Variants in ANKS1B observed in about 807,000 individuals in gnomAD.
ANKS1B encodes ankyrin repeat and sterile alpha motif domain-containing protein 1B.
ANKS1B carries 36 observed loss-of-function variants against 148.3 expected under a neutral mutation model. The observed-to-expected ratio is 0.24, with a 90% confidence interval of 0.19 to 0.32. The LOEUF (loss-of-function observed/expected upper bound fraction) is 0.32. Among genes scored for constraint, ANKS1B ranks in the 10% least tolerant of loss-of-function variants. The pLI, the probability that ANKS1B is intolerant of heterozygous loss-of-function variation, is 1.00. For synonymous variants in ANKS1B, 542 were observed against 560.8 expected (o/e 0.97, Z 0.47); for missense variants, 1,157 against 1,542.6 (o/e 0.75, Z 4.19).
chr12:99,025,093 G>A (rs2099947999), intron 17 of ANKS1B, among the ~76,000 whole-genome samples: 1 of 152,142 alleles, frequency 6.6e-6, no homozygotes, highest in Non-Finnish European at 1.5e-5. Context: ...ACCTGTGAAA[G>A]TAATAATAAA....
chr12:98,806,371 A>T (rs1369042410), intron 20 of ANKS1B, among the ~76,000 whole-genome samples: 1 of 152,130 alleles, frequency 6.6e-6, no homozygotes, highest in Non-Finnish European at 1.5e-5. Context: ...TTCTATGAGG[A>T]CTGCTCCCAC....
chr12:99,483,686 T>C lies in ANKS1B; in HGVS notation c.1438+20790A>G, dbSNP rs552925958. 5.9e-5 allele frequency among the ~76,000 whole-genome samples: 9 copies of C among 152,020 alleles called. No individual in the cohort carries two copies. In the South Asian group the frequency reaches 1.9e-3, roughly 31 times the overall value. Reference sequence around the variant, plus strand: ...ATGGATTCAATCCACTGCTTGTTTTTGGTGTCTTTATGGTTTCTATTTCTT... The same window carrying C: ...ATGGATTCAATCCACTGCTTGTTTTCGGTGTCTTTATGGTTTCTATTTCTT... On this transcript the variant is annotated intron_variant, in intron 10 of 26. Transcript: ENST00000683438.
At chr12:99,647,529 T>C (rs985276975) in intron 9 of ANKS1B, among the ~76,000 whole-genome samples, 4 of 152,090 alleles carry the variant, frequency 2.6e-5, no homozygotes, top group Non-Finnish European at 5.9e-5. Flanking sequence ...CTAACCCTTT[T>C]GAAAGCAATT....
intron 17 of ANKS1B, among the ~76,000 whole-genome samples, chr12:98,899,888 G>A (rs2099769782): frequency 6.6e-6 from 1 of 152,130 alleles, no homozygotes; most frequent in African/African-American, 2.4e-5. Context: ...AAATGTCTGA[G>A]AGCTCTGAAA....
intron 10 of ANKS1B, among the ~76,000 whole-genome samples, chr12:99,473,533 G>A (rs959589546): frequency 1.3e-5 from 2 of 151,972 alleles, no homozygotes; most frequent in Non-Finnish European, 2.9e-5. Flanking sequence ...GTCATCCAAT[G>A]TGGAGTACCA....
At chr12:99,277,998 C>T (rs992867828) in intron 12 of ANKS1B, among the ~76,000 whole-genome samples, 2 of 152,188 alleles carry the variant, frequency 1.3e-5, no homozygotes, top group Non-Finnish European at 2.9e-5. Flanking sequence ...AATCCACAGA[C>T]CTAATTCTAC....
At chr12:99,406,274 C>T (rs530451174) in intron 11 of ANKS1B, among the ~76,000 whole-genome samples, 6 of 144,820 alleles carry the variant, frequency 4.1e-5, no homozygotes, top group South Asian at 2.1e-4. Flanking sequence ...TGTTAGGTCA[C>T]GAAACAAGTC....
intron 17 of ANKS1B, among the ~76,000 whole-genome samples, chr12:98,934,493 T>C (rs890932236): frequency 8.5e-5 from 13 of 152,158 alleles, no homozygotes; most frequent in African/African-American, 3.1e-4. Flanking sequence ...TTTTGTCTAT[T>C]TATGTAAAAA....
intron 15 of ANKS1B, among the ~76,000 whole-genome samples, chr12:99,150,796 A>G (rs1232265032): frequency 6.6e-6 from 1 of 152,068 alleles, no homozygotes; most frequent in Non-Finnish European, 1.5e-5. Context: ...AAATGTCAGA[A>G]GGCATGGCAG....
chr12:99,417,914 G>C (rs1220232708), intron 11 of ANKS1B, among the ~76,000 whole-genome samples: 1 of 152,166 alleles, frequency 6.6e-6, no homozygotes. Context: ...GGCTAGGAAA[G>C]GGGTAGGATG....
chr12:98,872,505 C>T (rs1438949999), intron 17 of ANKS1B, among the ~76,000 whole-genome samples: 3 of 152,072 alleles, frequency 2.0e-5, no homozygotes, highest in Non-Finnish European at 4.4e-5. Flanking sequence ...TGCCGCTGCA[C>T]TCCAGTCTGG....
At chr12:98,783,899 G>T (rs370287600) in intron 22 of ANKS1B, among the ~76,000 whole-genome samples, 1 of 152,124 alleles carries the variant, frequency 6.6e-6, no homozygotes, top group Non-Finnish European at 1.5e-5. Flanking sequence ...CTGGATGCAG[G>T]GAGTCAGGAA....
At chr12:98,909,589 G>T (rs904512656) in intron 17 of ANKS1B, among the ~76,000 whole-genome samples, 4 of 152,192 alleles carry the variant, frequency 2.6e-5, no homozygotes, top group African/African-American at 7.2e-5. Flanking sequence ...AGGATAAGAT[G>T]AATTGACTTT....
chr12:99,064,930 T>C (rs1169393495), intron 16 of ANKS1B, among the ~76,000 whole-genome samples: 2 of 152,226 alleles, frequency 1.3e-5, no homozygotes, highest in Non-Finnish European at 2.9e-5. Flanking sequence ...TGAGGTAATG[T>C]TGACCCTAGA....
chr12:99,209,210 A>T (rs190249539), intron 14 of ANKS1B, among the ~76,000 whole-genome samples: 1 of 152,188 alleles, frequency 6.6e-6, no homozygotes, highest in Non-Finnish European at 1.5e-5. Context: ...TTCCAGCAAA[A>T]CAAAACTCGG....
At chr12:99,823,410 A>T (rs2082756809) in intron 2 of ANKS1B, among the ~76,000 whole-genome samples, 1 of 152,128 alleles carries the variant, frequency 6.6e-6, no homozygotes, top group Admixed American at 6.5e-5. Context: ...GGTTCAAGCG[A>T]TTCTCCTGCC....
chr12:99,721,972 C>A (rs1011922623), intron 8 of ANKS1B, among the ~76,000 whole-genome samples: 1 of 152,218 alleles, frequency 6.6e-6, no homozygotes, highest in Non-Finnish European at 1.5e-5. Flanking sequence ...ATCAAACCAG[C>A]CACAACATTT....
intron 14 of ANKS1B, among the ~76,000 whole-genome samples, chr12:99,174,232 C>T (rs1473336642): frequency 2.0e-5 from 3 of 152,180 alleles, no homozygotes; most frequent in Non-Finnish European, 4.4e-5. Context: ...ATCCTATCAA[C>T]AGCCATGTAA....
chr12:99,051,796 A>G (rs2099966254), intron 17 of ANKS1B, among the ~76,000 whole-genome samples: 1 of 152,228 alleles, frequency 6.6e-6, no homozygotes, highest in East Asian at 1.9e-4. Flanking sequence ...TTCAAGAACA[A>G]TTTCTATACG....
Sources: gnomAD v4.1 joint callset for allele counts (sites outside exome capture counted in the v4.1 genomes callset) on GRCh38, gnomAD v4.1.1 for gene constraint, MANE v1.5 for transcripts, NCBI Gene and HGNC (gene_info 2026-07-23, HGNC 2026-07-21) for gene names.